The following CELF2 variants were observed in gnomAD, a reference collection of about 807,000 sequenced individuals.
CELF2 encodes CUGBP Elav-like family member 2, also known as CUG triplet repeat RNA-binding protein 2.
Under a neutral mutation model 62.6 loss-of-function variants are expected in CELF2, and 8 were observed. The ratio of observed to expected loss-of-function variants is 0.13; its 90% CI spans 0.07 to 0.23. The LOEUF (loss-of-function observed/expected upper bound fraction) is 0.23, where lower values mean the gene tolerates loss of function less well. Ranked by LOEUF, CELF2 falls within the 10% of genes least tolerant of loss-of-function variation. The probability of loss-of-function intolerance (pLI) is 1.00; values close to 1 mark genes in which losing one functional copy is unlikely to be tolerated. For synonymous variants in CELF2, 258 were observed against 250.0 expected (o/e 1.03, Z -0.30); for missense variants, 333 against 671.0 (o/e 0.50, Z 5.56).
chr10:10,577,079 T>C, the CELF2 span, among the ~76,000 whole-genome samples: 1 of 152,140 alleles, frequency 6.6e-6, no homozygotes, highest in African/African-American at 2.4e-5. Context: ...AGAATTTGTA[T>C]CTTGAGAAAG....
chr10:10,802,548 C>A (rs976923859), intron 1 of CELF2, among the ~76,000 whole-genome samples: 1 of 76,918 alleles, frequency 1.3e-5, no homozygotes, highest in Admixed American at 1.4e-4. Flanking sequence ...ATAGATAAGA[C>A]TTGAGAGAAA....
chr10:11,165,808 G>A lies in CELF2; in HGVS notation c.271+126G>A. ...AGGAGGGCTGGAAGCAGCCGGTGCT[G>A]GCGGCCCCTGTGCTCCAGGGGCTGC... On this transcript the variant is annotated intron_variant, in intron 2 of 12. Coordinates refer to ENST00000633077, the MANE Select transcript of CELF2 (RefSeq NM_001326342.2). This position sits in a 1 kb window ranked among gnomAD's most constrained non-coding sequence, Gnocchi z 7.4. The A allele has an allele frequency of 1.1e-6, 1 of 883,858 alleles. No homozygotes were observed. Among genetic ancestry groups the A allele is most frequent in the Non-Finnish European group, 1.7e-6 (1 of 597,926 alleles). The allele number at this position is 883,858 out of a possible 1,614,324, so 54.8% of individuals were successfully genotyped here. A position where few individuals can be genotyped will look rare whatever the true frequency, so the allele number is the denominator to read the frequency against.
chr10:11,236,426 G>C (rs368774446), intron 3 of CELF2, among the ~76,000 whole-genome samples: 9 of 152,228 alleles, frequency 5.9e-5, no homozygotes, highest in Admixed American at 2.0e-4. Flanking sequence ...GATGCCTTGC[G>C]TTGTGCAGGA....
At chr10:11,229,195 T>G (rs947588694) in intron 3 of CELF2, among the ~76,000 whole-genome samples, 2 of 152,228 alleles carry the variant, frequency 1.3e-5, no homozygotes, top group Non-Finnish European at 2.9e-5. Context: ...GCCCCCGTGA[T>G]TTCTCTGCAA....
intron 1 of CELF2, among the ~76,000 whole-genome samples, chr10:10,869,396 TA>T (rs1386892676): frequency 1.3e-5 from 2 of 152,060 alleles, no homozygotes; most frequent in Non-Finnish European, 2.9e-5. Flanking sequence ...ACCCCATCTC[TA>T]CTAAAAATAC....
chr10:10,704,334 C>T, the CELF2 span, among the ~76,000 whole-genome samples: 6 of 152,182 alleles, frequency 3.9e-5, no homozygotes, highest in African/African-American at 1.4e-4. Context: ...TGCATACCCA[C>T]TCATCTGCAA....
At chr10:11,020,573 G>A (rs2058146814) in intron 1 of CELF2, among the ~76,000 whole-genome samples, 1 of 152,162 alleles carries the variant, frequency 6.6e-6, no homozygotes, top group Non-Finnish European at 1.5e-5. Flanking sequence ...TTGCCATTTG[G>A]ACTAAATTGC....
chr10:11,106,053 G>T (rs146206427), intron 1 of CELF2, among the ~76,000 whole-genome samples: 99 of 152,276 alleles, frequency 6.5e-4, no homozygotes, highest in African/African-American at 2.2e-3. Flanking sequence ...GCAGAGAAAT[G>T]ATGAAAAGTT....
At chr10:10,987,977 A>T (rs1456944319) in intron 2 of CELF2, among the ~76,000 whole-genome samples, 1 of 152,134 alleles carries the variant, frequency 6.6e-6, no homozygotes, top group East Asian at 1.9e-4. Context: ...GTTGGCATGG[A>T]TGTGGTGAAA....
chr10:11,105,675 T>C (rs1318907726), intron 1 of CELF2, among the ~76,000 whole-genome samples: 1 of 152,246 alleles, frequency 6.6e-6, no homozygotes, highest in Non-Finnish European at 1.5e-5. Flanking sequence ...TCTCCTCATC[T>C]TGTGTTCTCT....
chr10:11,301,427 C>T (rs1282270488), intron 9 of CELF2, among the ~76,000 whole-genome samples: 1 of 79,538 alleles, frequency 1.3e-5, no homozygotes, highest in East Asian at 5.1e-4. Context: ...CCACCCTGCT[C>T]CCACCGCCCC....
At chr10:11,307,717 TTTG>T (rs1449722250) in intron 9 of CELF2, among the ~76,000 whole-genome samples, 27 of 152,214 alleles carry the variant, frequency 1.8e-4, no homozygotes, top group African/African-American at 6.5e-4. Flanking sequence ...TGTTTTGTGT[TTTG>T]TTTTTAAGAT....
chr10:11,086,323 G>T (rs1432106583), intron 1 of CELF2, among the ~76,000 whole-genome samples: 1 of 151,966 alleles, frequency 6.6e-6, no homozygotes, highest in African/African-American at 2.4e-5. Context: ...CCTGGCCTGT[G>T]TCTTGACTTT....
At chr10:10,601,751 T>A in the CELF2 span, among the ~76,000 whole-genome samples, 1 of 151,860 alleles carries the variant, frequency 6.6e-6, no homozygotes, top group South Asian at 2.1e-4. Context: ...AATTTTAAGT[T>A]CCGGGGTACA....
rs924046038 is a variant in CELF2, at chr10:10,928,001, A to G, written c.89+8002A>G. Reference sequence around the variant, plus strand: ...TGCTTTCATCTACCTCTGCAGCCTCATCACCTGCTACTTTCTTTCTCATTT... The same window carrying G: ...TGCTTTCATCTACCTCTGCAGCCTCGTCACCTGCTACTTTCTTTCTCATTT... On this transcript the variant is annotated intron_variant, in intron 2 of 13. Coordinates refer to the CELF2 transcript ENST00000636488. The surrounding 1 kb of genome is among the most constrained non-coding windows in gnomAD (Gnocchi z 4.8). 1.3e-5 allele frequency among the ~76,000 whole-genome samples: 2 copies of G among 152,154 alleles called. No individual in the cohort carries two copies. The highest frequency in any genetic ancestry group is 1.9e-4 in the East Asian group (1 of 5,196).
At position 11,191,948 on chromosome 10, in the gene CELF2, G is replaced by A. The variant is rs1449857430; in HGVS notation, c.272-25477G>A. ...ACTTCTTAGGAACCTGGCAACCCCA[G>A]GGAATTTTCCTGACAAGTCAGTGTC... On this transcript the variant is annotated intron_variant, in intron 2 of 12. Coordinates refer to ENST00000633077, the MANE Select transcript of CELF2 (RefSeq NM_001326342.2). This position sits in a 1 kb window ranked among gnomAD's most constrained non-coding sequence, Gnocchi z 4.1. Among the ~76,000 whole-genome samples, 1 of 152,128 alleles carries A rather than the reference G, an allele frequency of 6.6e-6. No homozygotes were observed. Among genetic ancestry groups the A allele is most frequent in the Non-Finnish European group, 1.5e-5 (1 of 68,012 alleles).
chr10:10,472,996 C>T, the CELF2 span, among the ~76,000 whole-genome samples: 10 of 152,078 alleles, frequency 6.6e-5, no homozygotes, highest in Admixed American at 3.3e-4. Flanking sequence ...TCTGACACTG[C>T]GAACTCCTGA....
chr10:10,790,142 A>G, the CELF2 span, among the ~76,000 whole-genome samples: 2 of 152,130 alleles, frequency 1.3e-5, no homozygotes, highest in Non-Finnish European at 2.9e-5. Context: ...GCGTTCTTGT[A>G]ATATTTCATA....
rs671846 is a variant in CELF2, at chr10:11,180,166, C to G, written c.271+14484C>G. 4.9e-3 allele frequency among the ~76,000 whole-genome samples: 739 copies of G among 152,264 alleles called. 8 individuals are homozygous for G. Among genetic ancestry groups the G allele is most frequent in the African/African-American group, 0.017 (708 of 41,532 alleles). ...CCATGATGTCTGGTTCTGTGCGTTT[C>G]CTGGTTTCGGTGAATCTCCATGTCT... On this transcript the variant is annotated intron_variant, in intron 2 of 12. Coordinates refer to ENST00000633077, the MANE Select transcript of CELF2 (RefSeq NM_001326342.2).
Sources: gnomAD v4.1 joint callset for allele counts (sites outside exome capture counted in the v4.1 genomes callset) on GRCh38, gnomAD v4.1.1 for gene constraint, Gnocchi (gnomAD v3.1) non-coding constraint, MANE v1.5 for transcripts, NCBI Gene and HGNC (gene_info 2026-07-23, HGNC 2026-07-21) for gene names.